PDE4D: variants seen among roughly 807,000 people sequenced by gnomAD.
The protein encoded by PDE4D is phosphodiesterase 4D, also known as 3',5'-cyclic-AMP phosphodiesterase 4D.
Under a neutral mutation model 87.4 loss-of-function variants are expected in PDE4D, and 24 were observed. The observed-to-expected ratio is 0.27, with a 90% CI of 0.20 to 0.39. The LOEUF is 0.39. PDE4D is among the 10% of genes least tolerant of loss of function. The pLI is 1.00. For synonymous variants in PDE4D, 384 were observed against 383.2 expected, an observed-to-expected ratio of 1.00 and a Z score of -0.02; for missense variants, 714 against 1,041.0, an observed-to-expected ratio of 0.69 and a Z score of 4.32.
chr5:59,617,742 C>T (rs1305677880), intron 1 of PDE4D, among the ~76,000 whole-genome samples: 1 of 152,200 alleles, frequency 6.6e-6, no homozygotes, highest in Non-Finnish European at 1.5e-5. Context: ...GCCCTGCCAA[C>T]ACCTCGATCG....
intron 1 of PDE4D, among the ~76,000 whole-genome samples, chr5:59,246,215 C>G (rs1010265468): frequency 6.6e-6 from 1 of 151,922 alleles, no homozygotes; most frequent in African/African-American, 2.4e-5. Context: ...GACATCTATT[C>G]AGAAAGGTAC....
intron 1 of PDE4D, among the ~76,000 whole-genome samples, chr5:59,237,820 T>A (rs1326549507): frequency 8.3e-6 from 1 of 121,048 alleles, no homozygotes; most frequent in East Asian, 2.2e-4. Context: ...TGTGTGTGTG[T>A]GAACTCAGTG....
intron 1 of PDE4D, among the ~76,000 whole-genome samples, chr5:59,784,117 C>T (rs889756867): frequency 6.6e-6 from 1 of 152,040 alleles, no homozygotes; most frequent in African/African-American, 2.4e-5. Context: ...GGTTTTAGGA[C>T]TCATCTGTGT....
intron 1 of PDE4D, among the ~76,000 whole-genome samples, chr5:59,372,533 A>G (rs1239823966): frequency 1.3e-5 from 2 of 152,198 alleles, no homozygotes; most frequent in Admixed American, 6.5e-5. Flanking sequence ...ATTATTTGAA[A>G]AGTAAACACG....
At chr5:59,828,844 T>C (rs909773008) in intron 1 of PDE4D, among the ~76,000 whole-genome samples, 2 of 152,080 alleles carry the variant, frequency 1.3e-5, no homozygotes, top group African/African-American at 4.8e-5. Context: ...GTAAGTTATG[T>C]CCATTAGAGG....
At chr5:59,582,797 T>A (rs1034568162) in intron 1 of PDE4D, among the ~76,000 whole-genome samples, 9 of 152,214 alleles carry the variant, frequency 5.9e-5, no homozygotes, top group African/African-American at 2.2e-4. Context: ...CACAGTCACC[T>A]CATTTTGCCT....
chr5:60,460,901 A>G (rs145661778), intron 1 of PDE4D, among the ~76,000 whole-genome samples: 1,807 of 152,220 alleles, frequency 0.012, 36 homozygotes, highest in African/African-American at 0.041. Context: ...TAATAGCATA[A>G]ATGTCCATTC....
chr5:59,057,912 G>A (rs1216337240), intron 5 of PDE4D, among the ~76,000 whole-genome samples: 2 of 152,148 alleles, frequency 1.3e-5, no homozygotes, highest in Admixed American at 1.3e-4. Flanking sequence ...GAAAAATCCA[G>A]GGCTCCTTGT....
chr5:59,255,161 G>A (rs1036607398), intron 1 of PDE4D, among the ~76,000 whole-genome samples: 5 of 152,062 alleles, frequency 3.3e-5, no homozygotes, highest in Admixed American at 6.6e-5. Context: ...AACAACGCAA[G>A]TGTCTATCAA....
intron 1 of PDE4D, among the ~76,000 whole-genome samples, chr5:59,385,504 C>G (rs1416155304): frequency 6.6e-6 from 1 of 152,006 alleles, no homozygotes; most frequent in African/African-American, 2.4e-5. Context: ...TGATTACTTT[C>G]ATTTTAGGTA....
At chr5:59,007,395 T>C (rs1279395907) in intron 6 of PDE4D, among the ~76,000 whole-genome samples, 1 of 152,174 alleles carries the variant, frequency 6.6e-6, no homozygotes, top group Middle Eastern at 3.2e-3. Context: ...TGAAGAATTC[T>C]GAGGCAAAGT....
At chr5:60,469,290 C>A (rs932845860) in intron 1 of PDE4D, among the ~76,000 whole-genome samples, 1 of 152,104 alleles carries the variant, frequency 6.6e-6, no homozygotes, top group South Asian at 2.1e-4. Context: ...CACTCCACCC[C>A]CTCCTGTTCT....
At chr5:59,941,224 C>T (rs1030999840) in intron 3 of PDE4D, among the ~76,000 whole-genome samples, 12 of 152,104 alleles carry the variant, frequency 7.9e-5, no homozygotes, top group African/African-American at 1.4e-4. Flanking sequence ...ACAGCCCAGC[C>T]GGCATGAGAG....
chr5:60,398,746 A>T (rs917037889), intron 1 of PDE4D, among the ~76,000 whole-genome samples: 4 of 152,202 alleles, frequency 2.6e-5, no homozygotes, highest in Non-Finnish European at 5.9e-5. Context: ...AATACTTAAT[A>T]TGGGATTTAC....
rs140562059 is a variant in PDE4D at position 59,488,428 on chromosome 5, T to C, written c.456-272460A>G. On this transcript the variant is annotated intron_variant, in intron 1 of 14. Coordinates refer to ENST00000340635, the MANE Select transcript of PDE4D (RefSeq NM_001104631.2). ...TAATCTATCAGAAATTAGTTTGGAG[T>C]AGATAAGCTGTTTAAATACGCATTT... 7.2e-4 allele frequency among the ~76,000 whole-genome samples: 110 copies of C among 152,272 alleles called. 1 individual carries two copies. The East Asian group carries it at 0.014, about 20-fold the overall frequency.
At chr5:59,956,489 A>AAAT (rs1233727163) in intron 3 of PDE4D, among the ~76,000 whole-genome samples, 7 of 152,208 alleles carry the variant, frequency 4.6e-5, no homozygotes, top group Admixed American at 3.3e-4. Flanking sequence ...AAAAAGCAAG[A>AAAT]AATAGTATGG....
intron 1 of PDE4D, among the ~76,000 whole-genome samples, chr5:60,261,692 T>G (rs1749660734): frequency 6.6e-6 from 1 of 152,174 alleles, no homozygotes; most frequent in South Asian, 2.1e-4. Context: ...TTTTAATGAT[T>G]TTTTAAAAAA....
chr5:59,021,869 T>G (rs911176217), intron 6 of PDE4D, among the ~76,000 whole-genome samples: 60 of 152,204 alleles, frequency 3.9e-4, no homozygotes, highest in Admixed American at 2.0e-3. Context: ...CCCATACTTA[T>G]TTTGACAGTC....
At chr5:60,069,605 G>T (rs999374304) in intron 2 of PDE4D, among the ~76,000 whole-genome samples, 1 of 151,704 alleles carries the variant, frequency 6.6e-6, no homozygotes, top group African/African-American at 2.4e-5. Flanking sequence ...AACATATCTA[G>T]AGATCAGGAA....
Sources: allele counts gnomAD v4.1 joint callset (sites outside exome capture counted in the v4.1 genomes callset), GRCh38; gene constraint gnomAD v4.1.1; transcripts MANE v1.5; gene names NCBI Gene and HGNC (gene_info 2026-07-23, HGNC 2026-07-21).